The following CHCHD4 variants were observed in gnomAD, a reference collection of about 807,000 sequenced individuals.
The protein encoded by CHCHD4 is mitochondrial intermembrane space import and assembly protein 40.
Under a neutral mutation model 12.4 loss-of-function variants are expected in CHCHD4, and 7 were observed. That is an observed-to-expected ratio of 0.57 (90% CI 0.32 to 1.06). The LOEUF (loss-of-function observed/expected upper bound fraction) is 1.06. CHCHD4 is among the 50% of genes least tolerant of loss of function. The pLI, the probability that CHCHD4 is intolerant of heterozygous loss-of-function variation, is 0.04. For missense variants in CHCHD4, 143 were observed against 175.1 expected (o/e 0.82, Z 1.03); for synonymous variants, 56 against 58.0 (o/e 0.97, Z 0.16).
rs1316889171 is a variant in CHCHD4, at chr3:14,112,865, GC to G, written c.*21del. ...AAAGGTCCACTCCAAAAGGACTGGT[GC>G]CCAGTGCCTTGTGGCCTTCATTAAC... On this transcript the variant is annotated 3_prime_UTR_variant, in exon 3 of 3. Transcript: ENST00000396914. The G allele has an allele frequency of 6.3e-7, 1 of 1,592,648 alleles. No homozygotes were observed. The highest frequency in any genetic ancestry group is 1.7e-4 in the Middle Eastern group (1 of 5,948).
chr3:14,124,793 C>T lies in CHCHD4; in HGVS notation c.-117G>A. ...CTCCTCCGAAGCCCGCGCGGACCCGCCCCCTCCCAGGCCTGCCCGCCGCGC... is the reference window on the plus strand; with the variant it reads ...CTCCTCCGAAGCCCGCGCGGACCCGTCCCCTCCCAGGCCTGCCCGCCGCGC... On this transcript the variant is annotated 5_prime_UTR_variant, in exon 1 of 3. Transcript: ENST00000396914. The T allele has an allele frequency of 8.1e-7, 1 of 1,239,868 alleles. No homozygotes were observed. 76.8% of individuals were successfully genotyped at this position (1,239,868 alleles called of 1,614,324 possible). A position where few individuals can be genotyped will look rare whatever the true frequency, so the allele number is the denominator to read the frequency against.
intron 2 of CHCHD4, 68 bp downstream of exon 2, chr3:14,116,358 G>T: frequency 9.2e-7 from 1 of 1,082,312 alleles, no homozygotes; most frequent in Non-Finnish European, 1.4e-6. Context: ...CATGGGAAAG[G>T]AATTAAGAAC....
intron 2 of CHCHD4, among the ~76,000 whole-genome samples, chr3:14,114,418 C>A (rs1694855754): frequency 6.6e-6 from 1 of 152,176 alleles, no homozygotes; most frequent in South Asian, 2.1e-4. Flanking sequence ...TTTACTCATG[C>A]AGTCTCTGGG....
At chr3:14,115,472 G>A (rs1435354505) in intron 2 of CHCHD4, among the ~76,000 whole-genome samples, 2 of 151,652 alleles carry the variant, frequency 1.3e-5, no homozygotes, top group Non-Finnish European at 2.9e-5. Context: ...GAATTGACAT[G>A]TAAGCCCTGA....
intron 1 of CHCHD4, chr3:14,122,158 GAA>G: frequency 6.7e-7 from 1 of 1,489,412 alleles, no homozygotes; most frequent in Admixed American, 2.2e-5. Flanking sequence ...GTTTTCTTAA[GAA>G]AGTGGCATTT....
At chr3:14,115,023 C>T (rs1694861516) in intron 2 of CHCHD4, among the ~76,000 whole-genome samples, 1 of 152,132 alleles carries the variant, frequency 6.6e-6, no homozygotes, top group Non-Finnish European at 1.5e-5. Flanking sequence ...GTACTCTTAG[C>T]TATTCCAAGC....
chr3:14,122,210 C>T (rs1445142985), intron 1 of CHCHD4: 6 of 1,343,230 alleles, frequency 4.5e-6, no homozygotes, highest in Non-Finnish European at 4.9e-6. Flanking sequence ...TCTCAGACCC[C>T]ATAGAGCCTT....
At position 14,123,115 on chromosome 3, in the gene CHCHD4, A is replaced by G. The variant is rs143324959; in HGVS notation, c.22+1540T>C. ...ACAAGATAAATACTAAGGAAGGCCT[A>G]TAAGTGAGTGCTTTCAATTCTCACT... On this transcript the variant is annotated intron_variant, in intron 1 of 2. Transcript: ENST00000396914. Among the ~76,000 whole-genome samples the G allele has an allele frequency of 1.1e-4, 16 of 152,284 alleles. No individual in the cohort carries two copies. The South Asian group carries it at 1.7e-3, about 16-fold the overall frequency.
Position 14,112,799 on chromosome 3 carries a change from G to A in CHCHD4, c.*88C>T, listed in dbSNP as rs1694834726. On this transcript the variant is annotated 3_prime_UTR_variant, in exon 3 of 3. Coordinates refer to ENST00000396914, the MANE Select transcript of CHCHD4 (RefSeq NM_001098502.2). ...GTATATTATAATGCACAGGACAACA[G>A]AAGGAAACTTTCTTGGAAGGTGATG... 2.4e-6 allele frequency: 3 copies of A among 1,242,154 alleles called. No homozygotes were observed. The highest frequency in any genetic ancestry group is 1.5e-5 in the African/African-American group (1 of 66,476). The allele number at this position is 1,242,154 out of a possible 1,614,324, so 76.9% of individuals were successfully genotyped here.
In CHCHD4 at chr3:14,116,331, G is replaced by C. The variant is rs1367386579; in HGVS notation, c.121+95C>G. The C allele has an allele frequency of 9.3e-6, 8 of 860,924 alleles. No homozygotes were observed. In the African/African-American group the frequency reaches 9.9e-5, roughly 11 times the overall value. 53.3% of individuals were successfully genotyped at this position (860,924 alleles called of 1,614,324 possible). ...GCTGAGAATAGATACCTGAAAACTTGGCCTTGGCTAGGAAAACATGGGAAA... is the reference window on the plus strand; with the variant it reads ...GCTGAGAATAGATACCTGAAAACTTCGCCTTGGCTAGGAAAACATGGGAAA... On this transcript the variant is annotated intron_variant, in intron 2 of 2. Transcript: ENST00000396914.
chr3:14,124,763 G>T lies in CHCHD4; in HGVS notation c.-87C>A, dbSNP rs1393853911. On this transcript the variant is annotated 5_prime_UTR_variant, in exon 1 of 3. Coordinates refer to ENST00000396914, the MANE Select transcript of CHCHD4 (RefSeq NM_001098502.2). ...CGTGACCTCCCTCTCCTCTGGCAGG[G>T]CGGGCTCCTCCGAAGCCCGCGCGGA... is the stretch of plus-strand genomic sequence containing the variant. 4 of 1,420,396 alleles carry T rather than the reference G, an allele frequency of 2.8e-6. No individual in the cohort carries two copies. The East Asian group carries it at 8.2e-5, about 29-fold the overall frequency. 88.0% of individuals were successfully genotyped at this position (1,420,396 alleles called of 1,614,324 possible).
rs116630663 is a variant in CHCHD4, at chr3:14,118,092, A to G, written c.23-1568T>C. ...CTGGTGAAGGTGAATGACAAATTCT[A>G]CAGACCAACTGACCATGCATTCTGA... On this transcript the variant is annotated intron_variant, in intron 1 of 2. Coordinates refer to ENST00000396914, the MANE Select transcript of CHCHD4 (RefSeq NM_001098502.2). 3.6e-3 allele frequency among the ~76,000 whole-genome samples: 554 copies of G among 152,352 alleles called. 3 individuals carry two copies. The highest frequency in any genetic ancestry group is 3.7e-3 in the Non-Finnish European group (254 of 68,030).
chr3:14,124,608 C>A (rs751022950), intron 1 of CHCHD4, 47 bp downstream of exon 1: 14 of 1,467,556 alleles, frequency 9.5e-6, no homozygotes, highest in Non-Finnish European at 1.3e-5. Flanking sequence ...CGCGTGTCTC[C>A]CGCAGGCCCT....
intron 2 of CHCHD4, 121 bp from the exon 3 acceptor site, chr3:14,113,315 T>A: frequency 1.3e-6 from 1 of 765,602 alleles, no homozygotes; most frequent in Non-Finnish European, 2.1e-6. Context: ...GACCCACACC[T>A]CGATTTGGAT....
rs938195530 is a variant in CHCHD4 at position 14,116,425 on chromosome 3, C to T, written c.121+1G>A. 1 of 1,603,952 alleles carries T rather than the reference C, an allele frequency of 6.2e-7. No homozygotes were observed. The highest frequency in any genetic ancestry group is 8.5e-7 in the Non-Finnish European group (1 of 1,170,744). On this transcript the variant is annotated splice_donor_variant, in intron 2 of 2. Coordinates refer to ENST00000396914, the MANE Select transcript of CHCHD4 (RefSeq NM_001098502.2). LOFTEE classifies it high-confidence loss of function. The stretch of plus-strand genomic sequence containing the variant: ...TCCCTGGGAGGCCACATGTCACTCA[C>T]CATGCTCCTCGTATGGATCGTTGGG...
chr3:14,118,984 G>C (rs1273803785), intron 1 of CHCHD4, among the ~76,000 whole-genome samples: 2 of 152,190 alleles, frequency 1.3e-5, no homozygotes, highest in Non-Finnish European at 2.9e-5. Flanking sequence ...TACATAGAGA[G>C]ACCAGGCCTC....
At chr3:14,121,344 C>T (rs759541387) in intron 1 of CHCHD4, among the ~76,000 whole-genome samples, 1 of 152,216 alleles carries the variant, frequency 6.6e-6, no homozygotes, top group Admixed American at 6.5e-5. Context: ...GATGACGCTA[C>T]TCCTGCTCTG....
At position 14,122,142 on chromosome 3, in the gene CHCHD4, C is replaced by A. The variant is rs1031451519; in HGVS notation, c.22+2513G>T. 2.0e-6 allele frequency: 3 copies of A among 1,504,720 alleles called. No individual in the cohort carries two copies. In the Admixed American group the frequency reaches 6.5e-5, roughly 32 times the overall value. The allele number at this position is 1,504,720 out of a possible 1,614,324, so 93.2% of individuals were successfully genotyped here. On this transcript the variant is annotated intron_variant, in intron 1 of 2. Transcript: ENST00000396914. ...GTTCGCTCACACGTGTTTAGGATTG[C>A]AAAAGGTTTTCTTAAGAAAGTGGCA...
In CHCHD4 at chr3:14,112,700, A is replaced by C; in HGVS notation, c.*187T>G. The C allele has an allele frequency of 1.8e-6, 1 of 569,160 alleles. No homozygotes were observed. The highest frequency in any genetic ancestry group is 3.0e-6 in the Non-Finnish European group (1 of 329,594). The allele number at this position is 569,160 out of a possible 1,614,324, so 35.3% of individuals were successfully genotyped here. On this transcript the variant is annotated 3_prime_UTR_variant, in exon 3 of 3. Transcript: ENST00000396914. ...TTTGGGTAGGACACACATACATACA[A>C]CCCCCATTTTTTTCAGTGTATATGT... is the stretch of plus-strand genomic sequence containing the variant.
Sources: allele counts gnomAD v4.1 joint callset (sites outside exome capture counted in the v4.1 genomes callset), GRCh38; gene constraint gnomAD v4.1.1; transcripts MANE v1.5; gene names NCBI Gene and HGNC (gene_info 2026-07-23, HGNC 2026-07-21).